The following KIAA1217 variants were observed in gnomAD, a reference collection of about 807,000 sequenced individuals.
The protein encoded by KIAA1217 is KIAA1217, also known as sickle tail protein homolog.
A neutral mutation model predicts 163.9 loss-of-function variants in KIAA1217; 88 were observed. That is an observed-to-expected ratio of 0.54 (90% CI 0.45 to 0.64). The LOEUF (loss-of-function observed/expected upper bound fraction) is 0.64, where lower values mean the gene tolerates loss of function less well. Among genes scored for constraint, KIAA1217 ranks in the 30% least tolerant of loss-of-function variants. The pLI is 0.00. For synonymous variants in KIAA1217, 903 were observed against 923.1 expected (o/e 0.98, Z 0.39); for missense variants, 2,372 against 2,475.0 (o/e 0.96, Z 0.88).
intron 1 of KIAA1217, among the ~76,000 whole-genome samples, chr10:24,000,167 A>T (rs1330188913): frequency 6.6e-6 from 1 of 152,202 alleles, no homozygotes; most frequent in Non-Finnish European, 1.5e-5. Flanking sequence ...AATCCAACTC[A>T]GTAAAAGTAT....
chr10:23,994,693 C>A (rs566423322), intron 1 of KIAA1217, among the ~76,000 whole-genome samples: 23 of 152,126 alleles, frequency 1.5e-4, no homozygotes, highest in Non-Finnish European at 2.5e-4. Context: ...CAAACCATTT[C>A]ATCTTGACCA....
intron 3 of KIAA1217, among the ~76,000 whole-genome samples, chr10:24,404,552 A>G (rs933489151): frequency 2.8e-5 from 4 of 141,448 alleles, no homozygotes; most frequent in Non-Finnish European, 4.6e-5. Flanking sequence ...GGGCAACAGA[A>G]TGAGACTCTG....
intron 4 of KIAA1217, among the ~76,000 whole-genome samples, chr10:24,433,686 T>C (rs955828304): frequency 6.6e-6 from 1 of 152,162 alleles, no homozygotes; most frequent in Non-Finnish European, 1.5e-5. Flanking sequence ...ATTGGAACTT[T>C]CCCAATTCCC....
rs1196219144 is a variant in KIAA1217, at chr10:24,397,429, C to T, written c.553+16362C>T. On this transcript the variant is annotated intron_variant, in intron 3 of 20. Coordinates refer to ENST00000376454, the MANE Select transcript of KIAA1217 (RefSeq NM_019590.5). ...AACCGAGGATATGATGCAAACATCA[C>T]CATAGTAGCTAACATTTGCTAAGCA... Among the ~76,000 whole-genome samples, 4 of 152,224 alleles carry T rather than the reference C, an allele frequency of 2.6e-5. No individual in the cohort carries two copies. In the East Asian group the frequency reaches 7.7e-4, roughly 29 times the overall value.
intron 1 of KIAA1217, among the ~76,000 whole-genome samples, chr10:23,888,039 A>G (rs148801236): frequency 0.011 from 1,614 of 152,102 alleles, 28 homozygotes; most frequent in African/African-American, 0.037. Context: ...AGAACAATGG[A>G]CAACCTCTGT....
chr10:23,829,468 A>C (rs577929199), intron 1 of KIAA1217, among the ~76,000 whole-genome samples: 1 of 152,330 alleles, frequency 6.6e-6, no homozygotes, highest in African/African-American at 2.4e-5. Flanking sequence ...AACTGCAGAA[A>C]CAAAATCCCT....
chr10:24,201,188 T>C (rs1384677973), intron 2 of KIAA1217, among the ~76,000 whole-genome samples: 1 of 152,116 alleles, frequency 6.6e-6, no homozygotes, highest in Non-Finnish European at 1.5e-5. Flanking sequence ...GGAGAATTGC[T>C]TGAACCCAGG....
chr10:24,539,110 A>T (rs1267161418), intron 17 of KIAA1217, among the ~76,000 whole-genome samples: 1 of 152,178 alleles, frequency 6.6e-6, no homozygotes, highest in East Asian at 1.9e-4. Flanking sequence ...GGCCTGGTAT[A>T]GCATGTTATA....
At chr10:24,100,140 GT>G (rs1026327426) in intron 2 of KIAA1217, among the ~76,000 whole-genome samples, 4 of 151,498 alleles carry the variant, frequency 2.6e-5, no homozygotes, top group South Asian at 2.1e-4. Context: ...TCCTTTTAGG[GT>G]TTTTTTTGTT....
At chr10:24,245,676 G>A (rs1459866590) in intron 2 of KIAA1217, among the ~76,000 whole-genome samples, 2 of 152,068 alleles carry the variant, frequency 1.3e-5, no homozygotes, top group South Asian at 2.1e-4. Context: ...TTATCACTCA[G>A]GCTGGAGTGT....
At chr10:24,519,229 C>A (rs1444305397) in intron 10 of KIAA1217, among the ~76,000 whole-genome samples, 3 of 152,128 alleles carry the variant, frequency 2.0e-5, no homozygotes, top group Non-Finnish European at 4.4e-5. Flanking sequence ...ATCCCTGTTT[C>A]CTTTGAGATT....
chr10:24,098,733 G>A lies in KIAA1217; in HGVS notation c.-171+91359G>A, dbSNP rs972936637. Among the ~76,000 whole-genome samples the A allele has an allele frequency of 4.5e-3, 656 of 146,806 alleles. 9 individuals are homozygous for A. The highest frequency in any genetic ancestry group is 0.017 in the African/African-American group (639 of 36,770). ...CCCCTCTGAAGGGGAGCGTGTGTGT[G>A]TGTGTGTGTGTGTGTGTGTGTGTGT... On this transcript the variant is annotated intron_variant, in intron 2 of 18. Coordinates refer to the KIAA1217 transcript ENST00000376462.
rs968570392 is a variant in KIAA1217 at position 23,941,054 on chromosome 10, T to G, written c.-320-66171T>G. 2.0e-5 allele frequency among the ~76,000 whole-genome samples: 3 copies of G among 152,344 alleles called. No homozygotes were observed. The East Asian group carries it at 5.8e-4, about 29-fold the overall frequency. On this transcript the variant is annotated intron_variant, in intron 1 of 18. Coordinates refer to the KIAA1217 transcript ENST00000376462. ...CGCCTGCAGAGAAAAGTGGTTCAAG[T>G]GCCTACAGCCCTGCTAGAGGTAAAG...
At chr10:24,508,200 T>G (rs1356151898) in intron 9 of KIAA1217, among the ~76,000 whole-genome samples, 1 of 152,134 alleles carries the variant, frequency 6.6e-6, no homozygotes, top group Non-Finnish European at 1.5e-5. Flanking sequence ...ATTCCAGGAA[T>G]GCAAGATTGT....
chr10:23,841,416 T>A (rs931353174), intron 1 of KIAA1217, among the ~76,000 whole-genome samples: 1 of 152,142 alleles, frequency 6.6e-6, no homozygotes. Context: ...TGCACATAAA[T>A]ACTATTTATT....
intron 1 of KIAA1217, among the ~76,000 whole-genome samples, chr10:23,709,420 T>A (rs975263184): frequency 3.3e-5 from 5 of 151,864 alleles, no homozygotes; most frequent in Non-Finnish European, 7.4e-5. Context: ...TCCCAGGTAC[T>A]CAGGAGGCTA....
rs1835937986 is a variant in KIAA1217 at position 23,695,082 on chromosome 10, G to A, written c.-473G>A. 6.6e-6 allele frequency: 1 copy of A among 152,318 alleles called. No homozygotes were observed. The allele number at this position is 152,318 out of a possible 1,614,324, so 9.4% of individuals were successfully genotyped here. A position where few individuals can be genotyped will look rare whatever the true frequency, so the allele number is the denominator to read the frequency against. The stretch of plus-strand genomic sequence containing the variant: ...ACCTCGGCCCCAGACTCGGGCCCCC[G>A]GCACGCTCGCCCGGGAGATACCCCT... On this transcript the variant is annotated 5_prime_UTR_variant, in exon 1 of 19. Transcript: ENST00000376462. This position sits in a 1 kb window ranked among gnomAD's most constrained non-coding sequence, Gnocchi z 4.9.
At chr10:24,094,140 AT>A (rs2131694751) in intron 2 of KIAA1217, among the ~76,000 whole-genome samples, 1 of 152,168 alleles carries the variant, frequency 6.6e-6, no homozygotes, top group South Asian at 2.1e-4. Flanking sequence ...TAGCAGCATG[AT>A]TTATAGTCCT....
At chr10:24,203,081 T>C (rs112318707) in intron 2 of KIAA1217, among the ~76,000 whole-genome samples, 48 of 151,814 alleles carry the variant, frequency 3.2e-4, no homozygotes, top group African/African-American at 1.2e-3. Flanking sequence ...TCCCAGCTAC[T>C]TGGGAGGCTG....
Sources: allele counts gnomAD v4.1 joint callset (sites outside exome capture counted in the v4.1 genomes callset), GRCh38; gene constraint gnomAD v4.1.1; non-coding constraint Gnocchi (gnomAD v3.1); transcripts MANE v1.5; gene names NCBI Gene and HGNC (gene_info 2026-07-23, HGNC 2026-07-21).